The following KDM2B variants were observed in gnomAD, a reference collection of about 807,000 sequenced individuals.
The protein encoded by KDM2B is lysine-specific demethylase 2B.
KDM2B carries 26 observed loss-of-function variants against 150.0 expected under a neutral mutation model. The observed-to-expected ratio is 0.17, with a 90% CI of 0.13 to 0.24. The LOEUF is 0.24. Ranked by LOEUF, KDM2B falls within the 10% of genes least tolerant of loss-of-function variation. The pLI is 1.00. For missense variants in KDM2B, 1,265 were observed against 1,816.9 expected (o/e 0.70, Z 5.52); for synonymous variants, 734 against 729.5 (o/e 1.01, Z -0.10).
chr12:121,520,437 C>T lies in KDM2B; in HGVS notation c.1047+548G>A, dbSNP rs888333089. Among the ~76,000 whole-genome samples the T allele has an allele frequency of 1.1e-4, 16 of 152,094 alleles. No homozygotes were observed. The highest frequency in any genetic ancestry group is 3.1e-4 in the African/African-American group (13 of 41,398). On this transcript the variant is annotated intron_variant, in intron 9 of 22. Transcript: ENST00000377071. This position sits in a 1 kb window ranked among gnomAD's most constrained non-coding sequence, Gnocchi z 4.5. ...CCCTGTCAAGGGCAGAGAAAAGCCT[C>T]GGCCCCAGGAAACTAGAGACGTCCT...
At chr12:121,504,647 G>A (rs1004505349) in intron 11 of KDM2B, among the ~76,000 whole-genome samples, 5 of 152,196 alleles carry the variant, frequency 3.3e-5, no homozygotes, top group Non-Finnish European at 5.9e-5. Flanking sequence ...TCTTAGGTAT[G>A]GGACTGTCCA....
At chr12:121,465,192 T>C (rs188112131) in intron 12 of KDM2B, among the ~76,000 whole-genome samples, 3 of 152,256 alleles carry the variant, frequency 2.0e-5, no homozygotes, top group East Asian at 1.9e-4. Flanking sequence ...AAGAAAAAAT[T>C]TGGCTACAGT....
Position 121,430,355 on chromosome 12 carries a change from A to G in KDM2B, c.3944T>C (p.Ile1315Thr). The change falls in exon 23 of 23, where the codon ATA becomes ACA. Residue 1315 changes from isoleucine to threonine, a missense_variant. Ile to Thr is a moderately conservative substitution (Grantham distance 89). Transcript: ENST00000377071. The surrounding 1 kb of genome is among the most constrained non-coding windows in gnomAD (Gnocchi z 4.4). The part of the protein sequence containing the change: ...QVTKEGCEQF[I>T]AEMSVSVQFG... ...CTGGACACTCACAGACATCTCGGCT[A>G]TGAACTGCTCACAGCCTTCCTTGGT... 6.2e-7 allele frequency: 1 copy of G among 1,613,976 alleles called. No homozygotes were observed. The highest frequency in any genetic ancestry group is 1.1e-5 in the South Asian group (1 of 91,078).
chr12:121,527,685 A>T (rs1398847837), intron 8 of KDM2B, among the ~76,000 whole-genome samples: 2 of 151,246 alleles, frequency 1.3e-5, no homozygotes, highest in African/African-American at 4.9e-5. Flanking sequence ...AAAGTGGGGA[A>T]TATTACATTT....
At chr12:121,567,351 GTAAT>G (rs1335891046) in intron 4 of KDM2B, among the ~76,000 whole-genome samples, 2 of 152,240 alleles carry the variant, frequency 1.3e-5, no homozygotes, top group Non-Finnish European at 2.9e-5. Context: ...CTTTAAAAAT[GTAAT>G]TAAGTGAAAA....
intron 12 of KDM2B, among the ~76,000 whole-genome samples, chr12:121,466,698 G>A (rs1281827029): frequency 6.6e-6 from 1 of 150,578 alleles, no homozygotes; most frequent in Non-Finnish European, 1.5e-5. Flanking sequence ...CGAAGCCGAG[G>A]GTCCTGGCAC....
intron 12 of KDM2B, among the ~76,000 whole-genome samples, chr12:121,457,396 G>A (rs1555292994): frequency 6.6e-6 from 1 of 152,046 alleles, no homozygotes; most frequent in Non-Finnish European, 1.5e-5. Context: ...CGAATAGCTG[G>A]AATTACAGGT....
chr12:121,494,900 A>T (rs944916702), intron 11 of KDM2B, among the ~76,000 whole-genome samples: 1 of 152,098 alleles, frequency 6.6e-6, no homozygotes, highest in African/African-American at 2.4e-5. Flanking sequence ...AAAGCAAATC[A>T]CATACCTCCC....
At chr12:121,546,263 C>T (rs1472550408) in intron 6 of KDM2B, among the ~76,000 whole-genome samples, 1 of 151,806 alleles carries the variant, frequency 6.6e-6, no homozygotes, top group Non-Finnish European at 1.5e-5. Flanking sequence ...AATGAACCAT[C>T]ATCTCAATCA....
At chr12:121,514,692 C>T (rs1169388837) in intron 9 of KDM2B, among the ~76,000 whole-genome samples, 1 of 151,236 alleles carries the variant, frequency 6.6e-6, no homozygotes, top group African/African-American at 2.4e-5. Flanking sequence ...TACATTCTCC[C>T]ACCTTCTAAT....
rs549511913 is a variant in KDM2B at position 121,454,000 on chromosome 12, C to T, written c.1735-656G>A. 5.3e-5 allele frequency among the ~76,000 whole-genome samples: 8 copies of T among 152,228 alleles called. No individual in the cohort carries two copies. Among genetic ancestry groups the T allele is most frequent in the African/African-American group, 1.9e-4 (8 of 41,544 alleles). On this transcript the variant is annotated intron_variant, in intron 12 of 22. Transcript: ENST00000377071. The surrounding 1 kb of genome is among the most constrained non-coding windows in gnomAD (Gnocchi z 6.4). ...AGGGGCCACACAATCGGTCTCTGTT[C>T]CCCCAGCCCGGAAGGCCAACCCCAC...
rs560122886 is a variant in KDM2B, at chr12:121,573,134, T to TC, written c.397+1412_397+1413insG. Among the ~76,000 whole-genome samples the TC allele has an allele frequency of 2.1e-3, 320 of 150,546 alleles. 8 individuals are homozygous for TC. The highest frequency in any genetic ancestry group is 2.5e-4 in the Non-Finnish European group (17 of 67,536). On this transcript the variant is annotated intron_variant, in intron 4 of 22. Transcript: ENST00000377071. ...CCACTGTGCCCGGCCTAATTTTTTT[T>TC]TTTTTTTAGAGATGGGGTCTCACTA... is the stretch of plus-strand genomic sequence containing the variant.
intron 7 of KDM2B, among the ~76,000 whole-genome samples, chr12:121,534,138 A>G (rs1887890773): frequency 6.6e-6 from 1 of 152,220 alleles, no homozygotes; most frequent in Admixed American, 6.5e-5. Context: ...TCACGAGGTC[A>G]GGAGATCGAG....
chr12:121,461,311 C>T (rs578172477), intron 12 of KDM2B, among the ~76,000 whole-genome samples: 1 of 152,272 alleles, frequency 6.6e-6, no homozygotes, highest in Admixed American at 6.5e-5. Context: ...GTGGCTGGAG[C>T]CTCATCCTGC....
At chr12:121,493,417 G>A (rs1446499182) in intron 12 of KDM2B, among the ~76,000 whole-genome samples, 1 of 152,122 alleles carries the variant, frequency 6.6e-6, no homozygotes, top group Non-Finnish European at 1.5e-5. Flanking sequence ...ATCAAGGAAA[G>A]TAAGGCTCAG....
intron 22 of KDM2B, among the ~76,000 whole-genome samples, chr12:121,439,312 C>A (rs1322068077): frequency 6.6e-6 from 1 of 151,826 alleles, no homozygotes; most frequent in Admixed American, 6.6e-5. Context: ...GGAACCACTG[C>A]TATGTGCTTG....
chr12:121,460,475 C>T (rs1878952942), intron 12 of KDM2B, among the ~76,000 whole-genome samples: 1 of 152,190 alleles, frequency 6.6e-6, no homozygotes, highest in Non-Finnish European at 1.5e-5. Context: ...CTCAGCTAAC[C>T]GCAGCCTCGA....
At chr12:121,428,943 TTAAA>T (rs1555284688), downstream of KDM2B, among the ~76,000 whole-genome samples, 13 of 151,844 alleles carry the variant, frequency 8.6e-5, no homozygotes, top group Non-Finnish European at 1.6e-4. Context: ...GCTCTTCTCC[TTAAA>T]GAAGTCTGTG....
intron 4 of KDM2B, among the ~76,000 whole-genome samples, chr12:121,558,871 A>G (rs1890113952): frequency 6.6e-6 from 1 of 152,154 alleles, no homozygotes; most frequent in Non-Finnish European, 1.5e-5. Flanking sequence ...GATTACAGGC[A>G]TGAACCATGG....
Sources: allele counts gnomAD v4.1 joint callset (sites outside exome capture counted in the v4.1 genomes callset), GRCh38; gene constraint gnomAD v4.1.1; non-coding constraint Gnocchi (gnomAD v3.1); transcripts MANE v1.5; gene names NCBI Gene and HGNC (gene_info 2026-07-23, HGNC 2026-07-21).